Variants in PRKN observed in about 807,000 individuals in gnomAD.
PRKN encodes E3 ubiquitin-protein ligase parkin.
A neutral mutation model predicts 59.5 loss-of-function variants in PRKN; 56 were observed. The observed-to-expected ratio is 0.94, with a 90% CI of 0.76 to 1.18. The LOEUF is 1.18. Among genes scored for constraint, PRKN ranks in the 50% most tolerant of loss-of-function variants. PRKN has a pLI of 0.00. For synonymous variants in PRKN, 250 were observed against 222.1 expected (o/e 1.13, Z -1.12); for missense variants, 657 against 596.4 (o/e 1.10, Z -1.06).
intron 6 of PRKN, among the ~76,000 whole-genome samples, chr6:161,875,213 G>T (rs1046468919): frequency 6.9e-6 from 1 of 144,070 alleles, no homozygotes; most frequent in African/African-American, 2.6e-5. Context: ...ATTTTTTTCT[G>T]AGACAGAGTC....
intron 5 of PRKN, among the ~76,000 whole-genome samples, chr6:161,989,632 T>C (rs1175791325): frequency 1.3e-5 from 2 of 151,814 alleles, no homozygotes; most frequent in East Asian, 1.9e-4. Context: ...ACACACACTA[T>C]TGGGGACCTG....
chr6:162,396,053 G>T (rs1004839980), intron 2 of PRKN, among the ~76,000 whole-genome samples: 1 of 152,144 alleles, frequency 6.6e-6, no homozygotes, highest in Non-Finnish European at 1.5e-5. Flanking sequence ...TAGACAAAGC[G>T]AATCGAATCA....
chr6:162,037,971 A>G (rs1005903939), intron 5 of PRKN, among the ~76,000 whole-genome samples: 2 of 150,220 alleles, frequency 1.3e-5, no homozygotes, highest in Non-Finnish European at 2.9e-5. Flanking sequence ...TAATAGTTTT[A>G]AATTACACAT....
intron 3 of PRKN, among the ~76,000 whole-genome samples, chr6:162,212,174 C>A (rs1263093969): frequency 6.6e-6 from 1 of 151,988 alleles, no homozygotes; most frequent in Non-Finnish European, 1.5e-5. Context: ...TCTCTCCTAC[C>A]CTAAACACTC....
intron 3 of PRKN, among the ~76,000 whole-genome samples, chr6:162,258,015 C>T (rs1026866100): frequency 1.3e-5 from 2 of 152,294 alleles, no homozygotes; most frequent in South Asian, 2.1e-4. Flanking sequence ...CTGGCTGCTG[C>T]GTTTTCTGGG....
At chr6:162,525,222 C>G (rs1778231811) in intron 1 of PRKN, among the ~76,000 whole-genome samples, 1 of 152,052 alleles carries the variant, frequency 6.6e-6, no homozygotes, top group Admixed American at 6.6e-5. Flanking sequence ...CTCTGACCCT[C>G]TGTGTGTGTG....
intron 6 of PRKN, among the ~76,000 whole-genome samples, chr6:161,963,536 C>A (rs1450831598): frequency 6.6e-6 from 1 of 152,194 alleles, no homozygotes; most frequent in African/African-American, 2.4e-5. Context: ...AAGTAACTGA[C>A]CCCAGATAAT....
chr6:162,245,305 CA>C (rs1779154016), intron 3 of PRKN, among the ~76,000 whole-genome samples: 1 of 151,974 alleles, frequency 6.6e-6, no homozygotes, highest in African/African-American at 2.4e-5. Context: ...GCCCTGTAAA[CA>C]CTTGACAAGA....
At chr6:161,800,661 C>T (rs539097925) in intron 6 of PRKN, among the ~76,000 whole-genome samples, 3 of 152,198 alleles carry the variant, frequency 2.0e-5, no homozygotes, top group Admixed American at 1.3e-4. Context: ...TATGAAGCCC[C>T]GTGAGGCTGT....
At chr6:162,407,953 A>G (rs1251867524) in intron 2 of PRKN, among the ~76,000 whole-genome samples, 2 of 151,964 alleles carry the variant, frequency 1.3e-5, no homozygotes, top group African/African-American at 2.4e-5. Flanking sequence ...AAAAAAAAAA[A>G]GTGATAAAAT....
At chr6:161,796,297 A>G (rs1211182380) in intron 6 of PRKN, among the ~76,000 whole-genome samples, 8 of 152,202 alleles carry the variant, frequency 5.3e-5, no homozygotes, top group African/African-American at 1.7e-4. Flanking sequence ...AAAGTGCTAG[A>G]TTGAAAACAT....
rs1429504458 is a variant in PRKN, at chr6:161,442,910, C to T, written c.1084-56033G>A. ...CTCACTTACTGCCAATGTGTCCACG[C>T]TGCTCCTCAGGCAAGCCATTCTCCC... is the stretch of plus-strand genomic sequence containing the variant. On this transcript the variant is annotated intron_variant, in intron 9 of 11. Coordinates refer to ENST00000366898, the MANE Select transcript of PRKN (RefSeq NM_004562.3). This position sits in a 1 kb window ranked among gnomAD's most constrained non-coding sequence, Gnocchi z 4.6. 1.3e-5 allele frequency among the ~76,000 whole-genome samples: 2 copies of T among 152,196 alleles called. No individual in the cohort carries two copies. The highest frequency in any genetic ancestry group is 2.1e-4 in the South Asian group (1 of 4,828).
intron 7 of PRKN, among the ~76,000 whole-genome samples, chr6:161,740,153 C>T (rs1199175931): frequency 6.6e-6 from 1 of 152,210 alleles, no homozygotes; most frequent in Non-Finnish European, 1.5e-5. Flanking sequence ...CTTGACATTT[C>T]AATTAAATTG....
chr6:162,132,875 A>T (rs1201775186), intron 4 of PRKN, among the ~76,000 whole-genome samples: 1 of 152,178 alleles, frequency 6.6e-6, no homozygotes, highest in Admixed American at 6.5e-5. Context: ...ATTTAAAGGA[A>T]TGAACGCCTT....
intron 1 of PRKN, among the ~76,000 whole-genome samples, chr6:162,723,367 T>G (rs1216454575): frequency 6.6e-6 from 1 of 152,140 alleles, no homozygotes; most frequent in Non-Finnish European, 1.5e-5. Context: ...CGATGGCACA[T>G]GGGAGGAAAT....
intron 2 of PRKN, among the ~76,000 whole-genome samples, chr6:162,442,262 G>A (rs910601913): frequency 2.6e-5 from 4 of 152,170 alleles, no homozygotes; most frequent in Admixed American, 6.5e-5. Context: ...ATACAAGGAC[G>A]GACTTTGTGT....
chr6:161,882,930 G>A (rs1262824169), intron 6 of PRKN, among the ~76,000 whole-genome samples: 4 of 151,798 alleles, frequency 2.6e-5, no homozygotes, highest in East Asian at 2.0e-4. Context: ...GCTTGAATCC[G>A]GGAGGTGGAG....
At position 161,352,726 on chromosome 6, in the gene PRKN, A is replaced by AGTGTGTGTGTGT. The variant is rs373703677; in HGVS notation, c.1286-2527_1286-2516dup. On this transcript the variant is annotated intron_variant, in intron 11 of 11. Transcript: ENST00000366898. The surrounding 1 kb of genome is among the most constrained non-coding windows in gnomAD (Gnocchi z 5.8). Reference sequence around the variant, plus strand: ...TATATAAACACAAATATGTATGAAGAGTGTGTGTGTGTGTGTGTGTGTGTG... The same window carrying AGTGTGTGTGTGT: ...TATATAAACACAAATATGTATGAAGAGTGTGTGTGTGTGTGTGTGTGTGTGTGTGTGTGTGTG... 0.033 allele frequency among the ~76,000 whole-genome samples: 4,213 copies of AGTGTGTGTGTGT among 128,342 alleles called. 64 individuals carry two copies. Among genetic ancestry groups the AGTGTGTGTGTGT allele is most frequent in the South Asian group, 0.047 (174 of 3,692 alleles). 84.2% of individuals were successfully genotyped at this position (128,342 alleles called of 152,430 possible).
chr6:161,956,008 GA>G (rs1282135566), intron 6 of PRKN, among the ~76,000 whole-genome samples: 1 of 152,168 alleles, frequency 6.6e-6, no homozygotes, highest in Non-Finnish European at 1.5e-5. Flanking sequence ...GATAAGTCAA[GA>G]CCTGTTGGTT....
Sources: allele counts gnomAD v4.1 joint callset (sites outside exome capture counted in the v4.1 genomes callset), GRCh38; gene constraint gnomAD v4.1.1; non-coding constraint Gnocchi (gnomAD v3.1); transcripts MANE v1.5; gene names NCBI Gene and HGNC (gene_info 2026-07-23, HGNC 2026-07-21).